The following PRPF6 variants were observed in gnomAD, a reference collection of about 807,000 sequenced individuals.
PRPF6 encodes pre-mRNA-processing factor 6.
In PRPF6, 42 loss-of-function variants were observed where a neutral mutation model predicts 118.3. The observed-to-expected ratio is 0.35, with a 90% CI of 0.28 to 0.46. The LOEUF (loss-of-function observed/expected upper bound fraction) is 0.46. Ranked by LOEUF, PRPF6 falls within the 20% of genes least tolerant of loss-of-function variation. The pLI is 1.00. For missense variants in PRPF6, 662 were observed against 1,255.7 expected (o/e 0.53, Z 7.15); for synonymous variants, 481 against 485.1 (o/e 0.99, Z 0.11).
chr20:63,983,018 A>G, intron 1 of PRPF6, 29 bp from the exon 2 acceptor site: 1 of 1,612,120 alleles, frequency 6.2e-7, no homozygotes. Context: ...AGTTATTCAG[A>G]CACCCGGTGT....
chr20:63,981,225 G>A lies in PRPF6; in HGVS notation c.-21G>A, dbSNP rs779925891. 3.8e-6 allele frequency: 6 copies of A among 1,595,362 alleles called. No homozygotes were observed. Among genetic ancestry groups the A allele is most frequent in the Non-Finnish European group, 5.1e-6 (6 of 1,170,714 alleles). On this transcript the variant is annotated 5_prime_UTR_variant, in exon 1 of 21. Transcript: ENST00000266079. ...CGCTGCCTCATTCCTTTCCTTCCTAGCCTTGGTCGTCGCCGCCACCATGAA... is the reference window on the plus strand; with the variant it reads ...CGCTGCCTCATTCCTTTCCTTCCTAACCTTGGTCGTCGCCGCCACCATGAA...
intron 7 of PRPF6, 100 bp downstream of exon 7, chr20:63,999,239 C>A: frequency 2.0e-6 from 2 of 990,016 alleles, no homozygotes; most frequent in Admixed American, 1.9e-5. Context: ...TGGGACATGG[C>A]GGTTCTAAGA....
intron 19 of PRPF6, 125 bp from the exon 20 acceptor site, chr20:64,031,793 C>A: frequency 1.5e-6 from 2 of 1,344,564 alleles, no homozygotes; most frequent in Non-Finnish European, 2.1e-6. Flanking sequence ...ATCCTCAGGC[C>A]TTCTTGAGGG....
rs2059218908 is a variant in PRPF6 at position 64,011,821 on chromosome 20, T to C, written c.1524+318T>C. Among the ~76,000 whole-genome samples, 1 of 115,196 alleles carries C rather than the reference T, an allele frequency of 8.7e-6. No individual in the cohort carries two copies. The allele number at this position is 115,196 out of a possible 152,430, so 75.6% of individuals were successfully genotyped here. A position where few individuals can be genotyped will look rare whatever the true frequency, so the allele number is the denominator to read the frequency against. On this transcript the variant is annotated intron_variant, in intron 11 of 20. Coordinates refer to ENST00000266079, the MANE Select transcript of PRPF6 (RefSeq NM_012469.4). The surrounding 1 kb of genome is among the most constrained non-coding windows in gnomAD (Gnocchi z 6.7). ...GAAGTCTCATGGCTTCTTTCTTTGC[T>C]AGTAGAAATGATACACCTACGAGAG...
intron 3 of PRPF6, 95 bp downstream of exon 3, chr20:63,985,120 T>C: frequency 1.0e-6 from 1 of 986,054 alleles, no homozygotes; most frequent in Non-Finnish European, 1.6e-6. Context: ...TCCTAGCACT[T>C]TGAGAGGCTG....
intron 4 of PRPF6, among the ~76,000 whole-genome samples, chr20:63,994,303 A>ACC (rs1225429348): frequency 1.3e-5 from 2 of 151,932 alleles, no homozygotes; most frequent in African/African-American, 4.8e-5. Context: ...GATTACAGGC[A>ACC]TGTGCCACCA....
intron 19 of PRPF6, among the ~76,000 whole-genome samples, chr20:64,030,179 G>T (rs760024130): frequency 2.0e-5 from 3 of 152,240 alleles, no homozygotes; most frequent in Non-Finnish European, 4.4e-5. Flanking sequence ...CTAGAAAGAG[G>T]ATGACAGTCT....
intron 14 of PRPF6, among the ~76,000 whole-genome samples, chr20:64,025,570 G>A (rs1413920199): frequency 2.6e-5 from 4 of 152,242 alleles, no homozygotes; most frequent in Non-Finnish European, 2.9e-5. Context: ...GGGAAAGAGC[G>A]AGGTTGCGTG....
At chr20:64,025,842 C>T (rs1601532070) in intron 14 of PRPF6, 97 bp from the exon 15 acceptor site, 1 of 1,605,166 alleles carries the variant, frequency 6.2e-7, no homozygotes. Context: ...AGAGCAAGGC[C>T]TGGCTCAGTT....
rs867976481 is a variant in PRPF6 at position 64,022,803 on chromosome 20, A to G, written c.1694A>G (p.Tyr565Cys). 7 of 1,614,124 alleles carry G rather than the reference A, an allele frequency of 4.3e-6. No individual in the cohort carries two copies. In the Middle Eastern group the frequency reaches 1.2e-3, roughly 266 times the overall value. Residue 565 changes from tyrosine to cysteine, a missense_variant, in exon 13 of 21, where the codon TAC (tyrosine) becomes TGC (cysteine). By Grantham distance (194) the Tyr-to-Cys change is radical (BLOSUM62 -2). Coordinates refer to ENST00000266079, the MANE Select transcript of PRPF6 (RefSeq NM_012469.4). ...ALECARAIYA[Y>C]ALQVFPSKKS... ...GAGTGTGCACGAGCCATCTACGCCT[A>G]CGCCCTGCAGGTGTTCCCCAGCAAG...
intron 3 of PRPF6, among the ~76,000 whole-genome samples, chr20:63,990,320 A>C (rs948347866): frequency 6.6e-6 from 1 of 152,078 alleles, no homozygotes; most frequent in African/African-American, 2.4e-5. Flanking sequence ...GGGGACACAG[A>C]TGTAAACCAT....
intron 9 of PRPF6, among the ~76,000 whole-genome samples, chr20:64,003,263 C>T (rs902904676): frequency 1.3e-5 from 2 of 152,144 alleles, no homozygotes; most frequent in Admixed American, 6.6e-5. Context: ...AATTTATAGC[C>T]TAGGAAAAAT....
chr20:64,024,133 A>G (rs1012717080), intron 13 of PRPF6, among the ~76,000 whole-genome samples: 6 of 150,454 alleles, frequency 4.0e-5, no homozygotes, highest in Non-Finnish European at 7.4e-5. Context: ...CTTTCTTCCT[A>G]TAAGATAATT....
Position 64,026,978 on chromosome 20 carries a change from A to ATG in PRPF6, c.2029-4_2029-3insTG. On this transcript the variant is annotated splice_region_variant and splice_polypyrimidine_tract_variant and intron_variant, in intron 15 of 20. Transcript: ENST00000266079. This position sits in a 1 kb window ranked among gnomAD's most constrained non-coding sequence, Gnocchi z 4.4. The stretch of plus-strand genomic sequence containing the variant: ...CTGCGTGACAGTGCATGTCTGCCCC[A>ATG]CAGGTGTTCATGAAGTCTGTGAAGC... 1 of 1,613,792 alleles carries ATG rather than the reference A, an allele frequency of 6.2e-7. No homozygotes were observed.
intron 19 of PRPF6, among the ~76,000 whole-genome samples, chr20:64,031,213 G>A (rs547938699): frequency 6.6e-6 from 1 of 152,372 alleles, no homozygotes; most frequent in South Asian, 2.1e-4. Context: ...GCTGCTGGAG[G>A]CCGGGTGGGG....
chr20:63,983,236 G>T (rs6011242), intron 2 of PRPF6, 21 bp downstream of exon 2: 1 of 1,614,084 alleles, frequency 6.2e-7, no homozygotes. Context: ...TCCGGCTTTC[G>T]TGGCTCCTCC....
chr20:64,025,257 G>A (rs1292881587), intron 14 of PRPF6, among the ~76,000 whole-genome samples: 3 of 152,162 alleles, frequency 2.0e-5, no homozygotes, highest in South Asian at 4.1e-4. Flanking sequence ...TGTTTGAGAT[G>A]GCATCACTCC....
At position 64,026,228 on chromosome 20, in the gene PRPF6, CG is replaced by C. The variant is rs1180080495; in HGVS notation, c.2028+173del. 6.6e-6 allele frequency among the ~76,000 whole-genome samples: 1 copy of C among 151,542 alleles called. No individual in the cohort carries two copies. Among genetic ancestry groups the C allele is most frequent in the Non-Finnish European group, 1.5e-5 (1 of 67,826 alleles). On this transcript the variant is annotated intron_variant, in intron 15 of 20. Coordinates refer to ENST00000266079, the MANE Select transcript of PRPF6 (RefSeq NM_012469.4). The surrounding 1 kb of genome is among the most constrained non-coding windows in gnomAD (Gnocchi z 4.4). ...CATTCATGTGGCCGGGCGTGGTGGC[CG>C]GGCGCGGTGGCTCACGCCTGTAATC...
chr20:63,984,818 A>G (rs1601507006), intron 2 of PRPF6, 89 bp from the exon 3 acceptor site: 3 of 943,748 alleles, frequency 3.2e-6, no homozygotes, highest in Non-Finnish European at 5.0e-6. Flanking sequence ...ATAATTTAGC[A>G]AGTATTTCAC....
Sources: allele counts gnomAD v4.1 joint callset (sites outside exome capture counted in the v4.1 genomes callset), GRCh38; gene constraint gnomAD v4.1.1; non-coding constraint Gnocchi (gnomAD v3.1); transcripts MANE v1.5; gene names NCBI Gene and HGNC (gene_info 2026-07-23, HGNC 2026-07-21).